The following IGLL5 variants were observed in gnomAD, a reference collection of about 807,000 sequenced individuals.
The protein encoded by IGLL5 is immunoglobulin lambda-like polypeptide 5.
In IGLL5, 30 loss-of-function variants were observed where a neutral mutation model predicts 20.9. That is an observed-to-expected ratio of 1.44 (90% CI 1.07 to 1.95). The LOEUF is 1.95. Among genes scored for constraint, IGLL5 ranks in the 30% most tolerant of loss-of-function variants. IGLL5 has a pLI of 0.00. For synonymous variants in IGLL5, 203 were observed against 117.3 expected (o/e 1.73, Z -4.72); for missense variants, 475 against 270.7 (o/e 1.75, Z -5.30).
At chr22:22,888,423 A>C (rs2067594974) in intron 1 of IGLL5, among the ~76,000 whole-genome samples, 164 bp downstream of exon 1, 2 of 151,400 alleles carry the variant, frequency 1.3e-5, no homozygotes, top group Admixed American at 6.6e-5. Context: ...TCCATCACAG[A>C]TTTGTTTGAA....
intron 1 of IGLL5, among the ~76,000 whole-genome samples, chr22:22,891,110 G>A (rs1316544821): frequency 1.3e-5 from 2 of 151,082 alleles, no homozygotes; most frequent in Non-Finnish European, 2.9e-5. Context: ...TGTCGAACTG[G>A]TTTAATCTTT....
intron 1 of IGLL5, among the ~76,000 whole-genome samples, chr22:22,891,689 T>A (rs764406264): frequency 6.6e-6 from 1 of 151,366 alleles, no homozygotes; most frequent in Non-Finnish European, 1.5e-5. Context: ...ATAAGTGGTT[T>A]AATATTTTAT....
At chr22:22,888,509 C>CAGGGT in intron 1 of IGLL5, among the ~76,000 whole-genome samples, 1 of 151,374 alleles carries the variant, frequency 6.6e-6, no homozygotes, top group Admixed American at 6.6e-5. Flanking sequence ...AAATTTTCAC[C>CAGGGT]AGGGTCAGTG....
At chr22:22,889,555 A>C (rs2067732741) in intron 1 of IGLL5, among the ~76,000 whole-genome samples, 1 of 151,242 alleles carries the variant, frequency 6.6e-6, no homozygotes, top group Non-Finnish European at 1.5e-5. Context: ...ATCTACCAGA[A>C]AGGGTGTGAA....
chr22:22,894,218 T>TTC, intron 2 of IGLL5, among the ~76,000 whole-genome samples: 1 of 151,028 alleles, frequency 6.6e-6, no homozygotes, highest in Middle Eastern at 3.8e-3. Context: ...TCTCATAGTC[T>TTC]AGGGGAGCAG....
intron 2 of IGLL5, among the ~76,000 whole-genome samples, chr22:22,894,491 A>G (rs2146041195): frequency 1.3e-5 from 2 of 151,484 alleles, no homozygotes; most frequent in South Asian, 2.1e-4. Context: ...CTTAGGGCAG[A>G]GATGTGTCTG....
At chr22:22,894,299 G>C (rs1601625405) in intron 2 of IGLL5, among the ~76,000 whole-genome samples, 5 of 151,378 alleles carry the variant, frequency 3.3e-5, no homozygotes, top group East Asian at 2.0e-4. Context: ...ACACGGCCTG[G>C]TGACACAGAG....
intron 2 of IGLL5, 55 bp downstream of exon 2, chr22:22,893,873 A>G (rs906496202): frequency 1.4e-5 from 17 of 1,237,410 alleles, no homozygotes; most frequent in Admixed American, 5.1e-5. Flanking sequence ...TCCCTGGAAA[A>G]TCTGTTTTCT....
intron 2 of IGLL5, among the ~76,000 whole-genome samples, chr22:22,894,284 G>A (rs531209666): frequency 2.0e-5 from 3 of 151,226 alleles, no homozygotes; most frequent in Admixed American, 6.6e-5. Context: ...CAGCCTGGGA[G>A]GGCCACACGG....
chr22:22,889,229 G>C (rs191094091), intron 1 of IGLL5, among the ~76,000 whole-genome samples: 2 of 151,126 alleles, frequency 1.3e-5, no homozygotes, highest in Admixed American at 6.6e-5. Context: ...TTGGGGATGG[G>C]GAGGACACTC....
intron 1 of IGLL5, among the ~76,000 whole-genome samples, chr22:22,888,760 C>T (rs12169431): frequency 1.5e-4 from 22 of 151,278 alleles, no homozygotes; most frequent in Middle Eastern, 3.8e-3. Flanking sequence ...TAAATGCTTA[C>T]TGGGGCCAGG....
intron 1 of IGLL5, 54 bp downstream of exon 1, chr22:22,888,313 A>G (rs190943536): frequency 6.0e-6 from 9 of 1,501,546 alleles, no homozygotes; most frequent in Middle Eastern, 2.4e-4. Context: ...GAGCTGGGAA[A>G]GGGTGACCAA....
In IGLL5 at chr22:22,888,247, G is replaced by T. The variant is rs1451685698; in HGVS notation, c.194G>T (p.Ser65Ile). 6.5e-7 allele frequency: 1 copy of T among 1,547,664 alleles called. No individual in the cohort carries two copies. The highest frequency in any genetic ancestry group is 1.4e-5 in the African/African-American group (1 of 72,746). Residue 65 changes from serine (S) to isoleucine (I), a missense_variant, in exon 1 of 3, where the codon AGC becomes ATC. Ser to Ile is a moderately radical substitution (Grantham distance 142). Coordinates refer to ENST00000526893, the MANE Select transcript of IGLL5 (RefSeq NM_001178126.2). ...GGAAGCAGCCGATCCAGCCTGCGGA[G>T]CCTGTGGGGCAGGTAAGGGGCAAGA... ...SVGSSRSSLR[S>I]LWGRLLLQPS... is the part of the protein sequence containing the mutation.
At chr22:22,891,497 A>G (rs140222127) in intron 1 of IGLL5, among the ~76,000 whole-genome samples, 1 of 151,208 alleles carries the variant, frequency 6.6e-6, no homozygotes, top group East Asian at 2.0e-4. Flanking sequence ...TTTTTCTCAA[A>G]ATAGTCATGT....
intron 1 of IGLL5, among the ~76,000 whole-genome samples, chr22:22,889,117 C>G (rs1399399787): frequency 6.6e-6 from 1 of 151,154 alleles, no homozygotes; most frequent in East Asian, 2.0e-4. Context: ...TTGGAAAAAT[C>G]AGCACCGGAT....
rs142145571 is a variant in IGLL5 at position 22,888,741 on chromosome 22, A to T, written c.206+482A>T. Among the ~76,000 whole-genome samples, 4 of 151,346 alleles carry T rather than the reference A, an allele frequency of 2.6e-5. No individual in the cohort carries two copies. In the East Asian group the frequency reaches 6.1e-4, roughly 23 times the overall value. ...CTCCCCCAAGGCTGTCTGTTCACCA[A>T]CTTGCACATAAATGCTTACTGGGGC... On this transcript the variant is annotated intron_variant, in intron 1 of 2. Transcript: ENST00000526893.
In IGLL5 at chr22:22,896,013, C is replaced by A. The variant is rs577619801; in HGVS notation, c.*319C>A. On this transcript the variant is annotated 3_prime_UTR_variant, in exon 3 of 3. Transcript: ENST00000526893. ...TCCCAGTCACCCCTTCTCCAACTCT[C>A]CACTGTACCCCTGAGCTACCAGTCT... 3.4e-4 allele frequency: 177 copies of A among 518,850 alleles called. No homozygotes were observed. The highest frequency in any genetic ancestry group is 3.2e-3 in the African/African-American group (169 of 52,156). The allele number at this position is 518,850 out of a possible 1,614,324, so 32.1% of individuals were successfully genotyped here. A position where few individuals can be genotyped will look rare whatever the true frequency, so the allele number is the denominator to read the frequency against.
intron 1 of IGLL5, among the ~76,000 whole-genome samples, chr22:22,890,815 A>G (rs2067821212): frequency 6.6e-6 from 1 of 151,148 alleles, no homozygotes; most frequent in African/African-American, 2.4e-5. Context: ...GATGAGCAAA[A>G]AATTGAATGT....
Position 22,895,584 on chromosome 22 carries a change from T to C in IGLL5, c.535T>C (p.Tyr179His), listed in dbSNP as rs2146054820. 6.2e-7 allele frequency: 1 copy of C among 1,613,272 alleles called. No individual in the cohort carries two copies. The highest frequency in any genetic ancestry group is 1.3e-5 in the African/African-American group (1 of 74,882). Residue 179 changes from tyrosine to histidine, a missense_variant, in exon 3 of 3, where the codon TAC (tyrosine) becomes CAC (histidine). Transcript: ENST00000526893. ...CAACAACAAGTACGCGGCCAGCAGCTACCTGAGCCTGACGCCCGAGCAGTG... is the reference window on the plus strand; with the variant it reads ...CAACAACAAGTACGCGGCCAGCAGCCACCTGAGCCTGACGCCCGAGCAGTG... ...QSNNKYAASS[Y>H]LSLTPEQWKS... is the part of the protein sequence containing the mutation.
Sources: allele counts gnomAD v4.1 joint callset (sites outside exome capture counted in the v4.1 genomes callset), GRCh38; gene constraint gnomAD v4.1.1; transcripts MANE v1.5; gene names NCBI Gene and HGNC (gene_info 2026-07-23, HGNC 2026-07-21).